Variants in SUSD1 observed in about 807,000 individuals in gnomAD.
The protein encoded by SUSD1 is sushi domain containing 1.
SUSD1 carries 65 observed loss-of-function variants against 86.9 expected under a neutral mutation model. The observed-to-expected ratio is 0.75, with a 90% confidence interval of 0.61 to 0.92. The LOEUF (loss-of-function observed/expected upper bound fraction) is 0.92, where lower values mean the gene tolerates loss of function less well. Ranked by LOEUF, SUSD1 falls within the 40% of genes least tolerant of loss-of-function variation. SUSD1 has a pLI of 0.00. For missense variants in SUSD1, 850 were observed against 929.7 expected (o/e 0.91, Z 1.11); for synonymous variants, 346 against 350.0 (o/e 0.99, Z 0.13).
In SUSD1 at chr9:112,112,760, A is replaced by G. The variant is rs1259439559; in HGVS notation, c.984+11T>C. The G allele has an allele frequency of 6.3e-7, 1 of 1,589,036 alleles. No individual in the cohort carries two copies. Reference sequence around the variant, plus strand: ...CTGTCCTAGCAGGAAAAAGTAGATCACTTTACTTACCACATATGAGATCTT... The same window carrying G: ...CTGTCCTAGCAGGAAAAAGTAGATCGCTTTACTTACCACATATGAGATCTT... On this transcript the variant is annotated intron_variant, in intron 7 of 16. Transcript: ENST00000374270.
intron 15 of SUSD1, among the ~76,000 whole-genome samples, chr9:112,046,914 C>T (rs965715105): frequency 5.9e-5 from 9 of 152,088 alleles, no homozygotes; most frequent in African/African-American, 2.2e-4. Flanking sequence ...ATTTTTATTG[C>T]AGTTTAACAA....
chr9:112,154,581 C>A (rs528546130), intron 2 of SUSD1, among the ~76,000 whole-genome samples: 14 of 152,198 alleles, frequency 9.2e-5, no homozygotes, highest in Admixed American at 2.6e-4. Context: ...AGAGACAGAG[C>A]AGACTCTCAA....
At chr9:112,130,721 C>A in intron 5 of SUSD1, among the ~76,000 whole-genome samples, 1 of 151,684 alleles carries the variant, frequency 6.6e-6, no homozygotes, top group East Asian at 1.9e-4. Context: ...TTATTTATTA[C>A]AACAGAAAAT....
At chr9:112,126,283 C>T (rs1243681706) in intron 5 of SUSD1, among the ~76,000 whole-genome samples, 1 of 152,068 alleles carries the variant, frequency 6.6e-6, no homozygotes, top group Non-Finnish European at 1.5e-5. Context: ...TTAAAGTGCT[C>T]AGTGGAGAAG....
intron 2 of SUSD1, among the ~76,000 whole-genome samples, chr9:112,150,552 G>A (rs1165589281): frequency 1.3e-5 from 2 of 152,008 alleles, no homozygotes; most frequent in African/African-American, 4.8e-5. Context: ...TTAATGATGG[G>A]GACACATACT....
chr9:112,122,371 G>C (rs2131681408), intron 6 of SUSD1, among the ~76,000 whole-genome samples: 1 of 152,254 alleles, frequency 6.6e-6, no homozygotes, highest in South Asian at 2.1e-4. Context: ...TGTCACCCAG[G>C]CTGGTCTTGA....
chr9:112,147,755 C>T (rs1304014914), intron 3 of SUSD1, among the ~76,000 whole-genome samples: 2 of 152,204 alleles, frequency 1.3e-5, no homozygotes, highest in South Asian at 2.1e-4. Flanking sequence ...GGCAACAGAG[C>T]GAGACTCCGT....
intron 5 of SUSD1, among the ~76,000 whole-genome samples, chr9:112,138,252 T>TATATATGTATATACACATATATATAG (rs1832382112): frequency 8.5e-6 from 1 of 118,150 alleles, no homozygotes; most frequent in African/African-American, 3.5e-5. Flanking sequence ...TATATATATA[T>TATATATGTATATACACATATATATAG]ATATGTGTAT....
chr9:112,145,373 G>A lies in SUSD1; in HGVS notation c.374-1750C>T, dbSNP rs781026287. 7.5e-5 allele frequency among the ~76,000 whole-genome samples: 11 copies of A among 146,292 alleles called. No homozygotes were observed. The South Asian group carries it at 1.9e-3, about 26-fold the overall frequency. ...TGGCTTATTGCAACCGCTGCCTCCT[G>A]ACTTCAACTGATTCTCCTGCCTCAG... On this transcript the variant is annotated intron_variant, in intron 3 of 16. Coordinates refer to ENST00000374270, the MANE Select transcript of SUSD1 (RefSeq NM_022486.5).
intron 15 of SUSD1, 141 bp downstream of exon 15, chr9:112,052,258 A>G: frequency 6.5e-7 from 1 of 1,549,698 alleles, no homozygotes; most frequent in East Asian, 2.4e-5. Flanking sequence ...ATTTTTTTTC[A>G]GCTATGAAGC....
intron 12 of SUSD1, among the ~76,000 whole-genome samples, chr9:112,070,807 G>C (rs528131165): frequency 6.6e-6 from 1 of 152,282 alleles, no homozygotes; most frequent in Non-Finnish European, 1.5e-5. Flanking sequence ...GTGAAAAAAA[G>C]CTAGACAGTC....
At chr9:112,165,963 A>AAGAAAG (rs1833802828) in intron 1 of SUSD1, among the ~76,000 whole-genome samples, 1 of 151,096 alleles carries the variant, frequency 6.6e-6, no homozygotes, top group Non-Finnish European at 1.5e-5. Flanking sequence ...GAAAGAAAGA[A>AAGAAAG]AGAAAGAAAG....
At chr9:112,140,084 C>T (rs1832491689) in intron 5 of SUSD1, among the ~76,000 whole-genome samples, 1 of 79,990 alleles carries the variant, frequency 1.3e-5, no homozygotes, top group South Asian at 2.5e-4. Context: ...AAATTGGGGC[C>T]GGGCGCGGTG....
intron 8 of SUSD1, among the ~76,000 whole-genome samples, chr9:112,104,471 G>A (rs1830754756): frequency 6.6e-6 from 1 of 152,124 alleles, no homozygotes; most frequent in Non-Finnish European, 1.5e-5. Context: ...GGACTTCGAA[G>A]TAGAGGCCTC....
chr9:112,076,853 C>T (rs939909614), intron 12 of SUSD1, among the ~76,000 whole-genome samples: 4 of 152,082 alleles, frequency 2.6e-5, no homozygotes, highest in Admixed American at 6.5e-5. Flanking sequence ...GGAGTGTCAA[C>T]GCTATCGAAG....
chr9:112,091,767 A>G (rs927700001), intron 10 of SUSD1, among the ~76,000 whole-genome samples: 11 of 152,228 alleles, frequency 7.2e-5, no homozygotes, highest in African/African-American at 2.4e-4. Context: ...GGAGCAGTTT[A>G]TCTTAAAGAG....
intron 1 of SUSD1, among the ~76,000 whole-genome samples, chr9:112,171,671 C>A (rs1249871580): frequency 6.6e-6 from 1 of 152,046 alleles, no homozygotes; most frequent in African/African-American, 2.4e-5. Flanking sequence ...CCTCGCCCCC[C>A]ACTTTAAGAA....
At chr9:112,060,650 CAA>C (rs1828680250) in intron 13 of SUSD1, among the ~76,000 whole-genome samples, 1 of 152,174 alleles carries the variant, frequency 6.6e-6, no homozygotes, top group African/African-American at 2.4e-5. Flanking sequence ...GGGCTTTCTA[CAA>C]AAGAGATAAA....
intron 14 of SUSD1, among the ~76,000 whole-genome samples, chr9:112,055,056 CA>C (rs1828388080): frequency 1.3e-5 from 2 of 152,230 alleles, no homozygotes; most frequent in Non-Finnish European, 2.9e-5. Context: ...AGAAGACACA[CA>C]AATGGCCGAT....
Sources: gnomAD v4.1 joint callset for allele counts (sites outside exome capture counted in the v4.1 genomes callset) on GRCh38, gnomAD v4.1.1 for gene constraint, MANE v1.5 for transcripts, NCBI Gene and HGNC (gene_info 2026-07-23, HGNC 2026-07-21) for gene names.